RPH3A: variants seen among roughly 807,000 people sequenced by gnomAD.
RPH3A encodes rabphilin 3A, also known as rabphilin-3A.
Under a neutral mutation model 102.2 loss-of-function variants are expected in RPH3A, and 48 were observed. That is an observed-to-expected ratio of 0.47 (90% CI 0.37 to 0.60). The LOEUF (loss-of-function observed/expected upper bound fraction) is 0.60. Among genes scored for constraint, RPH3A ranks in the 20% least tolerant of loss-of-function variants. RPH3A has a pLI of 0.00. For synonymous variants in RPH3A, 310 were observed against 324.3 expected (o/e 0.96, Z 0.47); for missense variants, 781 against 910.1 (o/e 0.86, Z 1.83).
intron 5 of RPH3A, among the ~76,000 whole-genome samples, chr12:112,855,404 A>G (rs144547376): frequency 6.6e-6 from 1 of 152,220 alleles, no homozygotes; most frequent in Admixed American, 6.5e-5. Context: ...CACCTTGCCC[A>G]GCATGGACTG....
At chr12:112,739,949 C>A (rs992504372) in intron 1 of RPH3A, among the ~76,000 whole-genome samples, 5 of 152,132 alleles carry the variant, frequency 3.3e-5, no homozygotes, top group African/African-American at 9.7e-5. Context: ...TTCATCCCCC[C>A]CCAGCCTTGG....
chr12:112,595,056 C>A (rs1223491270), intron 1 of RPH3A, among the ~76,000 whole-genome samples: 1 of 152,158 alleles, frequency 6.6e-6, no homozygotes, highest in East Asian at 1.9e-4. Flanking sequence ...GTCTGGACAG[C>A]CTGGTCTTGA....
At chr12:112,890,484 C>T (rs1335573540) in intron 18 of RPH3A, among the ~76,000 whole-genome samples, 1 of 152,170 alleles carries the variant, frequency 6.6e-6, no homozygotes, top group African/African-American at 2.4e-5. Context: ...TTTAAGAATA[C>T]TGGTTGTGTT....
At chr12:112,759,821 C>T (rs917405716) in intron 1 of RPH3A, among the ~76,000 whole-genome samples, 2 of 152,170 alleles carry the variant, frequency 1.3e-5, no homozygotes, top group Non-Finnish European at 2.9e-5. Context: ...GTATGTCCTT[C>T]TGCTCTGCTC....
At chr12:112,659,475 T>C (rs2136002141) in intron 1 of RPH3A, among the ~76,000 whole-genome samples, 1 of 152,320 alleles carries the variant, frequency 6.6e-6, no homozygotes, top group Non-Finnish European at 1.5e-5. Flanking sequence ...GCAAGAGTAT[T>C]ACAGAAGGGA....
chr12:112,595,258 C>T (rs949435892), intron 1 of RPH3A, among the ~76,000 whole-genome samples: 6 of 152,136 alleles, frequency 3.9e-5, no homozygotes, highest in African/African-American at 1.2e-4. Context: ...ATAAAAAGAT[C>T]GATGAGCAGC....
At chr12:112,615,051 A>T (rs540894138) in intron 1 of RPH3A, among the ~76,000 whole-genome samples, 1 of 152,284 alleles carries the variant, frequency 6.6e-6, no homozygotes, top group South Asian at 2.1e-4. Context: ...CACATCCTCT[A>T]TGTGGGGTTC....
upstream of RPH3A, among the ~76,000 whole-genome samples, chr12:112,788,117 C>A (rs988616257): frequency 1.9e-4 from 29 of 152,210 alleles, no homozygotes; most frequent in African/African-American, 6.5e-4. Context: ...CAGAAGCACC[C>A]GGGACAGAAG....
At chr12:112,620,156 C>T (rs753998394) in intron 1 of RPH3A, among the ~76,000 whole-genome samples, 71 of 152,176 alleles carry the variant, frequency 4.7e-4, no homozygotes, top group Non-Finnish European at 7.5e-4. Flanking sequence ...AATAATGTTT[C>T]CCAGTAGTTC....
chr12:112,887,657 C>A, intron 16 of RPH3A, 140 bp from the exon 17 acceptor site: 1 of 931,268 alleles, frequency 1.1e-6, no homozygotes, highest in Non-Finnish European at 1.6e-6. Flanking sequence ...GTACTTGGTC[C>A]AGTGATAAAT....
At chr12:112,781,423 CAGA>C (rs146379471) in intron 1 of RPH3A, among the ~76,000 whole-genome samples, 3,137 of 152,246 alleles carry the variant, frequency 0.021, 103 homozygotes, top group African/African-American at 0.071. Flanking sequence ...AGCTCTGGGG[CAGA>C]AGACTTGCAG....
At position 112,898,774 on chromosome 12, in the gene RPH3A, C is replaced by T. The variant is rs1183695722; in HGVS notation, c.*1994C>T. 1 of 152,354 alleles carries T rather than the reference C, an allele frequency of 6.6e-6. No individual in the cohort carries two copies. The highest frequency in any genetic ancestry group is 2.4e-5 in the African/African-American group (1 of 41,460). The allele number at this position is 152,354 out of a possible 1,614,324, so 9.4% of individuals were successfully genotyped here. A position where few individuals can be genotyped will look rare whatever the true frequency, so the allele number is the denominator to read the frequency against. ...TGCCCGCTGTCCCCGACAAATGTAA[C>T]CACCTCCCTGCCTAGAATACACACA... On this transcript the variant is annotated 3_prime_UTR_variant, in exon 22 of 22. Transcript: ENST00000389385.
intron 5 of RPH3A, among the ~76,000 whole-genome samples, chr12:112,860,769 T>C (rs1408920320): frequency 1.3e-5 from 2 of 152,178 alleles, no homozygotes; most frequent in Non-Finnish European, 2.9e-5. Flanking sequence ...TCTCTCTGTG[T>C]TCTGAGACCC....
intron 1 of RPH3A, among the ~76,000 whole-genome samples, chr12:112,653,215 C>T (rs2039988192): frequency 6.6e-6 from 1 of 151,618 alleles, no homozygotes; most frequent in African/African-American, 2.4e-5. Flanking sequence ...ACGGTGAAAC[C>T]CCATCGCTAC....
intron 1 of RPH3A, among the ~76,000 whole-genome samples, chr12:112,715,203 T>C (rs2040505305): frequency 6.6e-6 from 1 of 152,206 alleles, no homozygotes; most frequent in African/African-American, 2.4e-5. Flanking sequence ...TCCCTCTACC[T>C]AGAGCACCCT....
In RPH3A at chr12:112,736,746, C is replaced by T. The variant is rs935453771; in HGVS notation, c.-139-55397C>T. On this transcript the variant is annotated intron_variant, in intron 1 of 21. Coordinates refer to the RPH3A transcript ENST00000543106. ...TATTTTTCTCACTCTGGGGCTCTCT[C>T]TTTCAGAAAGGCTTGCAATTTGAGG... is the stretch of plus-strand genomic sequence containing the variant. Among the ~76,000 whole-genome samples, 9 of 152,298 alleles carry T rather than the reference C, an allele frequency of 5.9e-5. 1 individual carries two copies. Among genetic ancestry groups the T allele is most frequent in the Admixed American group, 2.6e-4 (4 of 15,298 alleles).
intron 1 of RPH3A, among the ~76,000 whole-genome samples, chr12:112,762,728 A>T (rs2040862065): frequency 6.6e-6 from 1 of 152,190 alleles, no homozygotes; most frequent in Non-Finnish European, 1.5e-5. Flanking sequence ...AAGTATAGTC[A>T]TTCTTGCTAG....
chr12:112,877,143 C>T (rs1053035134), intron 13 of RPH3A, among the ~76,000 whole-genome samples: 2 of 152,066 alleles, frequency 1.3e-5, no homozygotes, highest in East Asian at 1.9e-4. Context: ...GATTGCAATT[C>T]GGTGGCATTG....
intron 1 of RPH3A, among the ~76,000 whole-genome samples, chr12:112,696,971 A>T (rs1310243349): frequency 6.6e-6 from 1 of 151,886 alleles, no homozygotes; most frequent in African/African-American, 2.4e-5. Context: ...TAACAATGAT[A>T]CTATTTAAGA....
Sources: allele counts gnomAD v4.1 joint callset (sites outside exome capture counted in the v4.1 genomes callset), GRCh38; gene constraint gnomAD v4.1.1; transcripts MANE v1.5; gene names NCBI Gene and HGNC (gene_info 2026-07-23, HGNC 2026-07-21).